TNFRSF10B: variants seen among roughly 807,000 people sequenced by gnomAD.
TNFRSF10B encodes the protein TNF receptor superfamily member 10b.
In TNFRSF10B, 35 loss-of-function variants were observed where a neutral mutation model predicts 41.4. The ratio of observed to expected loss-of-function variants is 0.85; its 90% CI spans 0.65 to 1.12. The LOEUF (loss-of-function observed/expected upper bound fraction) is 1.12, where lower values mean the gene tolerates loss of function less well. TNFRSF10B is among the 50% of genes most tolerant of loss of function. The pLI is 0.00. For missense variants in TNFRSF10B, 584 were observed against 552.7 expected (o/e 1.06, Z -0.57); for synonymous variants, 230 against 215.5 (o/e 1.07, Z -0.59).
intron 1 of TNFRSF10B, among the ~76,000 whole-genome samples, chr8:23,064,800 T>C (rs770434086): frequency 1.3e-5 from 2 of 152,250 alleles, no homozygotes; most frequent in Non-Finnish European, 2.9e-5. Flanking sequence ...TCACAGTTCC[T>C]GCATAGGTTG....
rs1470170539 is a variant in TNFRSF10B, at chr8:23,022,565, G to A, written c.*106C>T. The A allele has an allele frequency of 6.6e-6, 8 of 1,214,742 alleles. No individual in the cohort carries two copies. The highest frequency in any genetic ancestry group is 1.5e-5 in the African/African-American group (1 of 67,090). The allele number at this position is 1,214,742 out of a possible 1,614,324, so 75.2% of individuals were successfully genotyped here. Reference sequence around the variant, plus strand: ...GGATGGGAGAGTTTCTTCCAGTACCGGTCATGTGACAATTGTGGCACTTTC... The same window carrying A: ...GGATGGGAGAGTTTCTTCCAGTACCAGTCATGTGACAATTGTGGCACTTTC... On this transcript the variant is annotated 3_prime_UTR_variant, in exon 9 of 9. Coordinates refer to ENST00000276431, the MANE Select transcript of TNFRSF10B (RefSeq NM_003842.5).
chr8:23,056,364 G>A (rs1812666232), intron 1 of TNFRSF10B, among the ~76,000 whole-genome samples: 1 of 152,132 alleles, frequency 6.6e-6, no homozygotes, highest in Non-Finnish European at 1.5e-5. Context: ...CAGGAATTAT[G>A]AAATGTGAAG....
chr8:23,063,309 T>C (rs1400784748), intron 1 of TNFRSF10B, among the ~76,000 whole-genome samples: 1 of 150,902 alleles, frequency 6.6e-6, no homozygotes, highest in Non-Finnish European at 1.5e-5. Context: ...GATTGCGCCA[T>C]TGCACTCCAG....
chr8:23,044,709 T>C (rs768752749), intron 1 of TNFRSF10B, among the ~76,000 whole-genome samples: 10 of 152,008 alleles, frequency 6.6e-5, no homozygotes, highest in Non-Finnish European at 1.5e-4. Flanking sequence ...AGACTTAATG[T>C]TGTACCTCAA....
intron 1 of TNFRSF10B, 73 bp from the exon 2 acceptor site, chr8:23,043,316 CTT>C: frequency 7.9e-7 from 1 of 1,266,764 alleles, no homozygotes; most frequent in South Asian, 1.2e-5. Context: ...CTCACATTCT[CTT>C]GAGCCCAGGC....
At chr8:23,030,621 A>G (rs1811851478) in intron 3 of TNFRSF10B, 138 bp downstream of exon 3, 1 of 698,816 alleles carries the variant, frequency 1.4e-6, no homozygotes, top group South Asian at 1.5e-5. Context: ...TAAAAAGCTC[A>G]AAGACAAAAT....
In TNFRSF10B at chr8:23,035,402, A is replaced by T. The variant is rs566716770; in HGVS notation, c.251-4530T>A. 3.0e-4 allele frequency among the ~76,000 whole-genome samples: 45 copies of T among 152,266 alleles called. 1 individual carries two copies. In the East Asian group the frequency reaches 7.3e-3, roughly 25 times the overall value. ...AGTGACCCAGCCACCTTGGCCTCTC[A>T]AACTGCTGGGATTACAGGCGCGAGC... On this transcript the variant is annotated intron_variant, in intron 2 of 8. Coordinates refer to ENST00000276431, the MANE Select transcript of TNFRSF10B (RefSeq NM_003842.5).
rs59282000 is a variant in TNFRSF10B at position 23,033,585 on chromosome 8, CAAAAAAAAAAAAAAAAA to C, written c.251-2730_251-2714del. On this transcript the variant is annotated intron_variant, in intron 2 of 8. Coordinates refer to ENST00000276431, the MANE Select transcript of TNFRSF10B (RefSeq NM_003842.5). ...CCTGGGCGACAGCGAGACTCCGTCT[CAAAAAAAAAAAAAAAAA>C]AAAAAAAAAAAAAAAAAAAGAACCC... Among the ~76,000 whole-genome samples, 254 of 62,262 alleles carry C rather than the reference CAAAAAAAAAAAAAAAAA, an allele frequency of 4.1e-3. 1 individual carries two copies. Among genetic ancestry groups the C allele is most frequent in the Non-Finnish European group, 5.5e-3 (202 of 36,590 alleles). The allele number at this position is 62,262 out of a possible 152,430, so 40.8% of individuals were successfully genotyped here. A position where few individuals can be genotyped will look rare whatever the true frequency, so the allele number is the denominator to read the frequency against.
Position 23,027,907 on chromosome 8 carries a change from C to T in TNFRSF10B, c.749-154G>A, listed in dbSNP as rs1276987854. 5 of 815,016 alleles carry T rather than the reference C, an allele frequency of 6.1e-6. No individual in the cohort carries two copies. The Admixed American group carries it at 9.4e-5, about 15-fold the overall frequency. 50.5% of individuals were successfully genotyped at this position (815,016 alleles called of 1,614,324 possible). On this transcript the variant is annotated intron_variant, in intron 5 of 8. Transcript: ENST00000276431. ...AGAATGGGGCCTTACAACTCAGAGA[C>T]ACCCTGAGGAAGGGGGATGAGAAGG...
intron 1 of TNFRSF10B, among the ~76,000 whole-genome samples, chr8:23,063,297 G>A (rs6993136): frequency 0.14 from 20,353 of 150,200 alleles, 1,760 homozygotes; most frequent in South Asian, 0.19. Flanking sequence ...GCAGTGAGCC[G>A]AGATTGCGCC....
At chr8:23,027,652 C>A (rs1418835515) in intron 6 of TNFRSF10B, 70 bp downstream of exon 6, 9 of 1,607,830 alleles carry the variant, frequency 5.6e-6, no homozygotes, top group Non-Finnish European at 7.7e-6. Context: ...ACCCACCCAC[C>A]CAGGTTCTGC....
rs1585206296 is a variant in TNFRSF10B at position 23,027,029 on chromosome 8, A to G, written c.936+104T>C. 17 of 1,578,072 alleles carry G rather than the reference A, an allele frequency of 1.1e-5. No homozygotes were observed. The African/African-American group carries it at 1.1e-4, about 10-fold the overall frequency. ...CAGTCCCCTGGCTCCTTCAGGTTCCATTTCCCCTGGGCCAGGAGAGCTAAG... is the reference window on the plus strand; with the variant it reads ...CAGTCCCCTGGCTCCTTCAGGTTCCGTTTCCCCTGGGCCAGGAGAGCTAAG... On this transcript the variant is annotated intron_variant, in intron 7 of 8. Transcript: ENST00000276431.
rs879860015 is a variant in TNFRSF10B, at chr8:23,027,637, TG to T, written c.780+84del. ...AGAGTCAGGGCAGCCATGAGGACAA[TG>T]GGGACCCACCCACCCAGGTTCTGCT... On this transcript the variant is annotated intron_variant, in intron 6 of 8. Coordinates refer to ENST00000276431, the MANE Select transcript of TNFRSF10B (RefSeq NM_003842.5). 3.1e-6 allele frequency: 5 copies of T among 1,592,474 alleles called. No individual in the cohort carries two copies. In the African/African-American group the frequency reaches 5.4e-5, roughly 17 times the overall value.
At chr8:23,058,104 G>A (rs1461114967) in intron 1 of TNFRSF10B, among the ~76,000 whole-genome samples, 3 of 152,018 alleles carry the variant, frequency 2.0e-5, no homozygotes, top group Non-Finnish European at 2.9e-5. Flanking sequence ...AAAATTAGCC[G>A]GGCATGGTGA....
chr8:23,040,448 A>G lies in TNFRSF10B; in HGVS notation c.250+2690T>C, dbSNP rs1447296799. 1.0e-4 allele frequency among the ~76,000 whole-genome samples: 9 copies of G among 87,906 alleles called. 1 individual carries two copies. The East Asian group carries it at 1.2e-3, about 12-fold the overall frequency. The allele number at this position is 87,906 out of a possible 152,430, so 57.7% of individuals were successfully genotyped here. A position where few individuals can be genotyped will look rare whatever the true frequency, so the allele number is the denominator to read the frequency against. ...TTAAATATATATATACAAAATATAT[A>G]TTTATTAAATATATATACACAAAAT... is the stretch of plus-strand genomic sequence containing the variant. On this transcript the variant is annotated intron_variant, in intron 2 of 8. Transcript: ENST00000276431.
chr8:23,062,796 C>A (rs1812869395), intron 1 of TNFRSF10B, among the ~76,000 whole-genome samples: 1 of 152,120 alleles, frequency 6.6e-6, no homozygotes, highest in South Asian at 2.1e-4. Flanking sequence ...GTACTCCATT[C>A]CTTTTCATTA....
intron 6 of TNFRSF10B, 63 bp downstream of exon 6, chr8:23,027,659 C>T (rs578207023): frequency 7.4e-6 from 12 of 1,611,128 alleles, no homozygotes; most frequent in African/African-American, 1.3e-5. Flanking sequence ...CACCCAGGTT[C>T]TGCTGTCCCA....
At chr8:23,049,385 G>A (rs2128817737) in intron 1 of TNFRSF10B, among the ~76,000 whole-genome samples, 1 of 152,232 alleles carries the variant, frequency 6.6e-6, no homozygotes, top group South Asian at 2.1e-4. Flanking sequence ...CTGGGGGTCT[G>A]AAGAAACTCC....
At chr8:23,052,032 C>A (rs1054164703) in intron 1 of TNFRSF10B, among the ~76,000 whole-genome samples, 1 of 151,984 alleles carries the variant, frequency 6.6e-6, no homozygotes, top group Non-Finnish European at 1.5e-5. Context: ...TTCACTGTCT[C>A]GGTCATAATT....
Sources: allele counts gnomAD v4.1 joint callset (sites outside exome capture counted in the v4.1 genomes callset), GRCh38; gene constraint gnomAD v4.1.1; transcripts MANE v1.5; gene names NCBI Gene and HGNC (gene_info 2026-07-23, HGNC 2026-07-21).